The following SLC24A2 variants were observed in gnomAD, a reference collection of about 807,000 sequenced individuals.
SLC24A2 encodes the protein solute carrier family 24 member 2.
Under a neutral mutation model 62.0 loss-of-function variants are expected in SLC24A2, and 36 were observed. That is an observed-to-expected ratio of 0.58 (90% CI 0.44 to 0.77). SLC24A2 has a LOEUF of 0.77. Ranked by LOEUF, SLC24A2 falls within the 30% of genes least tolerant of loss-of-function variation. SLC24A2 has a pLI of 0.00. For missense variants in SLC24A2, 846 were observed against 817.9 expected, an observed-to-expected ratio of 1.03 and a Z score of -0.42; for synonymous variants, 358 against 294.0, an observed-to-expected ratio of 1.22 and a Z score of -2.23.
In SLC24A2 at chr9:19,512,066, G is replaced by C. The variant is rs990058177; in HGVS notation, c.*4087C>G. 5.9e-5 allele frequency: 9 copies of C among 152,288 alleles called. No individual in the cohort carries two copies. In the East Asian group the frequency reaches 1.5e-3, roughly 26 times the overall value. The allele number at this position is 152,288 out of a possible 1,614,324, so 9.4% of individuals were successfully genotyped here. Reference sequence around the variant, plus strand: ...GTGTCTTTTCTTTGGTCAACTTTTTGTTAAAGTGGTCTGGGGGTGGGCTCC... The same window carrying C: ...GTGTCTTTTCTTTGGTCAACTTTTTCTTAAAGTGGTCTGGGGGTGGGCTCC... On this transcript the variant is annotated 3_prime_UTR_variant, in exon 11 of 11. Transcript: ENST00000341998.
chr9:20,023,404 G>C, the SLC24A2 span, among the ~76,000 whole-genome samples: 1 of 152,190 alleles, frequency 6.6e-6, no homozygotes, highest in African/African-American at 2.4e-5. Flanking sequence ...AAAAGAGAGA[G>C]AATTAGCAGG....
At chr9:19,931,199 C>G in the SLC24A2 span, among the ~76,000 whole-genome samples, 6 of 152,110 alleles carry the variant, frequency 3.9e-5, no homozygotes, top group Admixed American at 6.5e-5. Flanking sequence ...GTAAGACAAT[C>G]AAAAGGTGTG....
At chr9:19,620,723 A>C (rs891801261) in intron 3 of SLC24A2, among the ~76,000 whole-genome samples, 7 of 152,240 alleles carry the variant, frequency 4.6e-5, no homozygotes, top group African/African-American at 1.7e-4. Flanking sequence ...TCTCTGAGGC[A>C]GCCAAGCTTT....
chr9:20,002,973 T>C, the SLC24A2 span, among the ~76,000 whole-genome samples: 5 of 152,314 alleles, frequency 3.3e-5, no homozygotes, highest in African/African-American at 1.2e-4. Context: ...CTTGGTTTAA[T>C]GGTCTGTTGT....
At chr9:19,612,044 G>T (rs890014622) in intron 4 of SLC24A2, among the ~76,000 whole-genome samples, 1 of 152,104 alleles carries the variant, frequency 6.6e-6, no homozygotes, top group Non-Finnish European at 1.5e-5. Context: ...ACCACTTGGG[G>T]TCTCAGTTTC....
chr9:19,798,064 C>A, the SLC24A2 span, among the ~76,000 whole-genome samples: 1 of 152,218 alleles, frequency 6.6e-6, no homozygotes, highest in East Asian at 1.9e-4. Context: ...GAGACTGTAT[C>A]ATGTTTATAT....
In SLC24A2 at chr9:19,508,632, A is replaced by G. The variant is rs1832596946; in HGVS notation, c.*7521T>C. ...ACATAGTGAGACTCCATCTCTTAACAACAACAACAAAATTAGCCAGGCATG... is the reference window on the plus strand; with the variant it reads ...ACATAGTGAGACTCCATCTCTTAACGACAACAACAAAATTAGCCAGGCATG... On this transcript the variant is annotated 3_prime_UTR_variant, in exon 11 of 11. Transcript: ENST00000341998. The G allele has an allele frequency of 6.6e-6, 1 of 152,008 alleles. No homozygotes were observed. Among genetic ancestry groups the G allele is most frequent in the Non-Finnish European group, 1.5e-5 (1 of 68,044 alleles). 9.4% of individuals were successfully genotyped at this position (152,008 alleles called of 1,614,324 possible).
At chr9:19,734,932 T>C (rs1821458930) in intron 2 of SLC24A2, among the ~76,000 whole-genome samples, 2 of 151,960 alleles carry the variant, frequency 1.3e-5, no homozygotes, top group African/African-American at 2.4e-5. Flanking sequence ...GGCAATACCA[T>C]TCAGGACATA....
chr9:20,277,682 T>A, the SLC24A2 span, among the ~76,000 whole-genome samples: 1 of 152,200 alleles, frequency 6.6e-6, no homozygotes, highest in African/African-American at 2.4e-5. Flanking sequence ...AGTGTGGCGA[T>A]TCCTCAGGGA....
At chr9:19,735,048 G>T (rs2118735113) in intron 2 of SLC24A2, among the ~76,000 whole-genome samples, 1 of 152,084 alleles carries the variant, frequency 6.6e-6, no homozygotes, top group South Asian at 2.1e-4. Flanking sequence ...CACAGCAAAA[G>T]AAACCACCAT....
the SLC24A2 span, among the ~76,000 whole-genome samples, chr9:20,062,640 T>C: frequency 1.0e-4 from 14 of 139,274 alleles, no homozygotes; most frequent in African/African-American, 3.9e-4. Context: ...AATTGACAAA[T>C]GGGATCTCAT....
rs1823259862 is a variant in SLC24A2 at position 19,788,882 on chromosome 9, T to G, written c.-154+3A>C. Reference sequence around the variant, plus strand: ...CAGGCGGGGCGCAGCCGCCCGCACTTACCAGGATAAGATGGGAGGACGCGC... The same window carrying G: ...CAGGCGGGGCGCAGCCGCCCGCACTGACCAGGATAAGATGGGAGGACGCGC... On this transcript the variant is annotated splice_donor_region_variant and intron_variant, in intron 1 of 10. Transcript: ENST00000341998. 1 of 985,234 alleles carries G rather than the reference T, an allele frequency of 1.0e-6. No individual in the cohort carries two copies. Among genetic ancestry groups the G allele is most frequent in the Admixed American group, 6.1e-5 (1 of 16,276 alleles). The allele number at this position is 985,234 out of a possible 1,614,324, so 61.0% of individuals were successfully genotyped here. A position where few individuals can be genotyped will look rare whatever the true frequency, so the allele number is the denominator to read the frequency against.
chr9:20,235,037 A>T, the SLC24A2 span, among the ~76,000 whole-genome samples: 1 of 152,256 alleles, frequency 6.6e-6, no homozygotes, highest in African/African-American at 2.4e-5. Flanking sequence ...GCTGCAGAAC[A>T]GCAGATTTTG....
the SLC24A2 span, among the ~76,000 whole-genome samples, chr9:20,090,604 C>G: frequency 1.2e-4 from 18 of 152,036 alleles, no homozygotes; most frequent in Admixed American, 3.9e-4. Flanking sequence ...CCTAACACCC[C>G]CACCCCCAAC....
At chr9:19,544,113 C>G (rs991376757) in intron 8 of SLC24A2, among the ~76,000 whole-genome samples, 5 of 152,102 alleles carry the variant, frequency 3.3e-5, no homozygotes, top group African/African-American at 1.2e-4. Flanking sequence ...TTGGATGCTC[C>G]TGAATGGTGT....
rs542321833 is a variant in SLC24A2 at position 19,567,145 on chromosome 9, T to TA, written c.1347+6205dup. 5.0e-3 allele frequency among the ~76,000 whole-genome samples: 651 copies of TA among 131,162 alleles called. 7 individuals are homozygous for TA. Among genetic ancestry groups the TA allele is most frequent in the African/African-American group, 0.017 (597 of 35,878 alleles). The allele number at this position is 131,162 out of a possible 152,430, so 86.0% of individuals were successfully genotyped here. On this transcript the variant is annotated intron_variant, in intron 7 of 10. Transcript: ENST00000341998. ...ATATATAAAAGAACTTAAAGTATAA[T>TA]AAAAAAAATAAACCTAGAAAAGAAT...
chr9:20,037,700 C>A, the SLC24A2 span, among the ~76,000 whole-genome samples: 1 of 152,136 alleles, frequency 6.6e-6, no homozygotes, highest in African/African-American at 2.4e-5. Context: ...AACTATGGGG[C>A]ATTTTTGCCT....
chr9:19,614,599 G>A (rs933585843), intron 4 of SLC24A2, among the ~76,000 whole-genome samples: 1 of 152,302 alleles, frequency 6.6e-6, no homozygotes, highest in Admixed American at 6.5e-5. Context: ...GCTGGACTTA[G>A]TGACTGCCTG....
At chr9:20,075,266 A>C in the SLC24A2 span, among the ~76,000 whole-genome samples, 1 of 152,206 alleles carries the variant, frequency 6.6e-6, no homozygotes, top group South Asian at 2.1e-4. Flanking sequence ...TGAGTGCTTT[A>C]CATATTTTAT....
Sources: gnomAD v4.1 joint callset for allele counts (sites outside exome capture counted in the v4.1 genomes callset) on GRCh38, gnomAD v4.1.1 for gene constraint, MANE v1.5 for transcripts, NCBI Gene and HGNC (gene_info 2026-07-23, HGNC 2026-07-21) for gene names.